The following MARCHF11 variants were observed in gnomAD, a reference collection of about 807,000 sequenced individuals.
MARCHF11 encodes the protein E3 ubiquitin-protein ligase MARCHF11.
In MARCHF11, 29 loss-of-function variants were observed where a neutral mutation model predicts 37.3. That is an observed-to-expected ratio of 0.78 (90% CI 0.58 to 1.06). The LOEUF (loss-of-function observed/expected upper bound fraction) is 1.06. MARCHF11 is among the 50% of genes least tolerant of loss of function. MARCHF11 has a pLI of 0.00. For synonymous variants in MARCHF11, 233 were observed against 228.0 expected, an observed-to-expected ratio of 1.02 and a Z score of -0.20; for missense variants, 482 against 533.4, an observed-to-expected ratio of 0.90 and a Z score of 0.95.
intron 2 of MARCHF11, among the ~76,000 whole-genome samples, chr5:16,153,668 G>A (rs1476334374): frequency 2.0e-5 from 3 of 151,980 alleles, no homozygotes; most frequent in Non-Finnish European, 4.4e-5. Flanking sequence ...AGCAGAGAAT[G>A]CTAATTGTGG....
At chr5:16,157,480 A>G (rs1737996259) in intron 2 of MARCHF11, among the ~76,000 whole-genome samples, 1 of 151,980 alleles carries the variant, frequency 6.6e-6, no homozygotes. Flanking sequence ...GCATGGTGCT[A>G]GCATAAAAAC....
chr5:16,179,359 C>A lies in MARCHF11; in HGVS notation c.217G>T (p.Ala73Ser). 1 of 1,179,198 alleles carries A rather than the reference C, an allele frequency of 8.5e-7. No individual in the cohort carries two copies. The highest frequency in any genetic ancestry group is 1.0e-6 in the Non-Finnish European group (1 of 954,886). The allele number at this position is 1,179,198 out of a possible 1,614,324, so 73.0% of individuals were successfully genotyped here. ...AGPSEPLGEV[A>S]PRCRGADELP... is the part of the protein sequence containing the mutation. ...TCGTCCGCTCCCCTGCACCGCGGGG[C>A]CACCTCCCCTAGCGGCTCGCTTGGC... The change falls in exon 1 of 4, where the codon GCC (alanine) becomes TCC (serine). Residue 73 changes from alanine (A) to serine (S), a missense_variant. Transcript: ENST00000332432.
At chr5:16,095,277 T>C (rs919372002) in intron 2 of MARCHF11, among the ~76,000 whole-genome samples, 2 of 152,144 alleles carry the variant, frequency 1.3e-5, no homozygotes, top group Admixed American at 1.3e-4. Context: ...TCATTCCTAA[T>C]GCAAGGGGAG....
Position 16,179,456 on chromosome 5 carries a change from G to A in MARCHF11, c.120C>T (p.Ala40=), listed in dbSNP as rs1738432404. Residue 40 remains alanine, a synonymous_variant, in exon 1 of 4, where the codon GCC becomes GCT. Coordinates refer to ENST00000332432, the MANE Select transcript of MARCHF11 (RefSeq NM_001102562.3). ...GGTAGCGCGGGGCCGCGGGGACCGG[G>A]GCCGGCTCTCCCGGCGGCGGCGTCG... ...PPPTPPPGEP[A]PVPAAPRYLP... 1 of 1,120,340 alleles carries A rather than the reference G, an allele frequency of 8.9e-7. No homozygotes were observed. Among genetic ancestry groups the A allele is most frequent in the Non-Finnish European group, 1.1e-6 (1 of 917,820 alleles). 69.4% of individuals were successfully genotyped at this position (1,120,340 alleles called of 1,614,324 possible).
chr5:16,177,734 G>A lies in MARCHF11; in HGVS notation c.685C>T (p.Pro229Ser), dbSNP rs760666613. ...YHVIAIKMKQ[P>S]CQWQSISITL... ...ATGTTGAAACTGCTTACCTGGCAAGGTTGTTTCATTTTAATGGCTATAACA... is the reference window on the plus strand; with the variant it reads ...ATGTTGAAACTGCTTACCTGGCAAGATTGTTTCATTTTAATGGCTATAACA... The change falls in exon 2 of 4, where the codon CCT becomes TCT. Residue 229 changes from proline (P) to serine (S), a missense_variant. Transcript: ENST00000332432. The A allele has an allele frequency of 6.2e-7, 1 of 1,601,832 alleles. No homozygotes were observed. The highest frequency in any genetic ancestry group is 8.5e-7 in the Non-Finnish European group (1 of 1,175,518).
chr5:16,179,598 T>C lies in MARCHF11; in HGVS notation c.-23A>G. 2 of 1,084,714 alleles carry C rather than the reference T, an allele frequency of 1.8e-6. No homozygotes were observed. Among genetic ancestry groups the C allele is most frequent in the Non-Finnish European group, 1.1e-6 (1 of 896,248 alleles). 67.2% of individuals were successfully genotyped at this position (1,084,714 alleles called of 1,614,324 possible). Reference sequence around the variant, plus strand: ...CATGGTTGTGCCGCCGCCGCCCTCCTGCCGGCCCGGCTGGCGGGCCGGGCT... The same window carrying C: ...CATGGTTGTGCCGCCGCCGCCCTCCCGCCGGCCCGGCTGGCGGGCCGGGCT... On this transcript the variant is annotated 5_prime_UTR_variant, in exon 1 of 4. Coordinates refer to ENST00000332432, the MANE Select transcript of MARCHF11 (RefSeq NM_001102562.3).
chr5:16,102,525 T>C (rs1248917495), intron 2 of MARCHF11, among the ~76,000 whole-genome samples: 1 of 152,106 alleles, frequency 6.6e-6, no homozygotes, highest in African/African-American at 2.4e-5. Context: ...TCTGAATGTC[T>C]AGAGAAGCAG....
chr5:16,162,825 G>A (rs1292560828), intron 2 of MARCHF11, among the ~76,000 whole-genome samples: 1 of 151,998 alleles, frequency 6.6e-6, no homozygotes, highest in African/African-American at 2.4e-5. Flanking sequence ...TGTATTGCAA[G>A]TCCTGTTCTA....
At chr5:16,117,918 G>A (rs1737247456) in intron 2 of MARCHF11, among the ~76,000 whole-genome samples, 1 of 152,198 alleles carries the variant, frequency 6.6e-6, no homozygotes, top group Non-Finnish European at 1.5e-5. Context: ...AAGGGAGTAC[G>A]CATGCTACTC....
intron 2 of MARCHF11, chr5:16,129,031 A>T (rs778116418): frequency 1.3e-5 from 2 of 152,172 alleles, no homozygotes; most frequent in Non-Finnish European, 2.9e-5. Context: ...TTATGCAAAG[A>T]AGTCCCACTA....
At chr5:16,158,986 T>A (rs55805585) in intron 2 of MARCHF11, among the ~76,000 whole-genome samples, 28,381 of 151,844 alleles carry the variant, frequency 0.19, 2,897 homozygotes, top group East Asian at 0.31. Context: ...CCCCAACAAA[T>A]GATAAGTATG....
At chr5:16,167,547 G>A (rs560363627) in intron 2 of MARCHF11, among the ~76,000 whole-genome samples, 52 of 152,128 alleles carry the variant, frequency 3.4e-4, no homozygotes, top group Middle Eastern at 3.4e-3. Context: ...ATCTGCTTTC[G>A]AGTGTGCTTT....
chr5:16,171,173 T>C (rs1738256620), intron 2 of MARCHF11, among the ~76,000 whole-genome samples: 1 of 152,124 alleles, frequency 6.6e-6, no homozygotes, highest in African/African-American at 2.4e-5. Flanking sequence ...GTTACATATG[T>C]ATACATGTGC....
intron 2 of MARCHF11, among the ~76,000 whole-genome samples, chr5:16,122,022 A>C (rs1292966377): frequency 6.6e-6 from 1 of 152,140 alleles, no homozygotes; most frequent in Non-Finnish European, 1.5e-5. Context: ...AAACTAGAAG[A>C]CAGAGAATTT....
At chr5:16,137,594 C>G (rs1319315571) in intron 2 of MARCHF11, among the ~76,000 whole-genome samples, 1 of 152,116 alleles carries the variant, frequency 6.6e-6, no homozygotes, top group Non-Finnish European at 1.5e-5. Context: ...GTGGAAGTGA[C>G]TTTGGAACTG....
At chr5:16,085,505 A>C (rs1736678889) in intron 3 of MARCHF11, among the ~76,000 whole-genome samples, 2 of 149,144 alleles carry the variant, frequency 1.3e-5, no homozygotes, top group Admixed American at 6.7e-5. Context: ...AGTTAAATCC[A>C]CTGATTAAAA....
intron 2 of MARCHF11, among the ~76,000 whole-genome samples, chr5:16,120,707 G>C (rs1737296338): frequency 6.6e-6 from 1 of 152,160 alleles, no homozygotes; most frequent in South Asian, 2.1e-4. Flanking sequence ...TTGAATCTAG[G>C]GTTGGCTGTG....
chr5:16,140,159 T>C (rs913284255), intron 2 of MARCHF11, among the ~76,000 whole-genome samples: 19 of 152,146 alleles, frequency 1.2e-4, no homozygotes, highest in African/African-American at 4.3e-4. Flanking sequence ...ACAGCCATAA[T>C]GGGCTGAGAG....
intron 2 of MARCHF11, among the ~76,000 whole-genome samples, chr5:16,154,794 T>A (rs1282966164): frequency 6.6e-6 from 1 of 151,750 alleles, no homozygotes; most frequent in Admixed American, 6.6e-5. Flanking sequence ...TAACAACATA[T>A]CATTTTTATG....
Sources: gnomAD v4.1 joint callset for allele counts (sites outside exome capture counted in the v4.1 genomes callset) on GRCh38, gnomAD v4.1.1 for gene constraint, MANE v1.5 for transcripts, NCBI Gene and HGNC (gene_info 2026-07-23, HGNC 2026-07-21) for gene names.